IL4R: variants seen among roughly 807,000 people sequenced by gnomAD.
The protein encoded by IL4R is interleukin-4 receptor subunit alpha.
A neutral mutation model predicts 41.5 loss-of-function variants in IL4R; 17 were observed. The observed-to-expected ratio is 0.41, with a 90% CI of 0.28 to 0.61. The LOEUF (loss-of-function observed/expected upper bound fraction) is 0.61. Among genes scored for constraint, IL4R ranks in the 20% least tolerant of loss-of-function variants. The probability of loss-of-function intolerance (pLI) is 0.31; values close to 1 mark genes in which losing one functional copy is unlikely to be tolerated. For synonymous variants in IL4R, 402 were observed against 422.9 expected, an observed-to-expected ratio of 0.95 and a Z score of 0.61; for missense variants, 974 against 1,043.1, an observed-to-expected ratio of 0.93 and a Z score of 0.91.
chr16:27,322,036 T>C (rs1247585071), intron 1 of IL4R, among the ~76,000 whole-genome samples: 2 of 152,084 alleles, frequency 1.3e-5, no homozygotes, highest in Non-Finnish European at 2.9e-5. Context: ...GGGTATAAGG[T>C]TCTAGAAATG....
chr16:27,352,834 T>A, intron 7 of IL4R, 138 bp downstream of exon 7: 1 of 845,350 alleles, frequency 1.2e-6, no homozygotes, highest in Non-Finnish European at 1.9e-6. Context: ...TAGATACACC[T>A]GCCGTGGTGT....
intron 2 of IL4R, among the ~76,000 whole-genome samples, chr16:27,333,974 C>G (rs1318198182): frequency 6.6e-6 from 1 of 152,044 alleles, no homozygotes; most frequent in African/African-American, 2.4e-5. Flanking sequence ...GCTCCGCCTC[C>G]CGGGTTCAAG....
chr16:27,349,750 G>T (rs2085798099), intron 6 of IL4R, among the ~76,000 whole-genome samples: 1 of 151,842 alleles, frequency 6.6e-6, no homozygotes, highest in Non-Finnish European at 1.5e-5. Flanking sequence ...CTGAGTTTTT[G>T]TTGTTGTTGT....
chr16:27,361,610 C>CTTTTT, intron 10 of IL4R, among the ~76,000 whole-genome samples: 1 of 111,782 alleles, frequency 8.9e-6, no homozygotes, highest in Non-Finnish European at 1.8e-5. Flanking sequence ...GATCCCGCAT[C>CTTTTT]TTTTTTTTTT....
rs1388543425 is a variant in IL4R, at chr16:27,314,062, TCGCCCGGGCAC to T, written c.-152+43_-152+53del. ...GCGCGCGGATCGGGTTGCGAAGGTA[TCGCCCGGGCAC>T]GCCGGCTGAGGGCGTTCGGGAAGGG... On this transcript the variant is annotated intron_variant, in intron 1 of 10. Transcript: ENST00000395762. 6 of 984,046 alleles carry T rather than the reference TCGCCCGGGCAC, an allele frequency of 6.1e-6. No homozygotes were observed. The East Asian group carries it at 5.7e-4, about 94-fold the overall frequency. The allele number at this position is 984,046 out of a possible 1,614,324, so 61.0% of individuals were successfully genotyped here. A position where few individuals can be genotyped will look rare whatever the true frequency, so the allele number is the denominator to read the frequency against.
chr16:27,340,242 C>A lies in IL4R; in HGVS notation c.39C>A (p.Ser13Arg), dbSNP rs1266243839. 1 of 1,614,006 alleles carries A rather than the reference C, an allele frequency of 6.2e-7. No homozygotes were observed. Among genetic ancestry groups the A allele is most frequent in the African/African-American group, 1.3e-5 (1 of 75,060 alleles). The change falls in exon 3 of 11, where the codon AGC (serine) becomes AGA (arginine). Residue 13 changes from serine to arginine, a missense_variant. Physicochemically the swap from Ser to Arg is moderately radical, Grantham distance 110. Around this residue, in one of 3 missense-constraint regions of IL4R, gnomAD observed 284 missense variants for 313.4 expected, o/e 0.91. Coordinates refer to ENST00000395762, the MANE Select transcript of IL4R (RefSeq NM_000418.4). Reference sequence around the variant, plus strand: ...GCTCTGGGCTCCTGTTCCCTGTGAGCTGCCTGGTCCTGCTGCAGGTGGCAA... The same window carrying A: ...GCTCTGGGCTCCTGTTCCCTGTGAGATGCCTGGTCCTGCTGCAGGTGGCAA... ...WLCSGLLFPVSCLVLLQVASS... is the reference protein window; with the variant it reads ...WLCSGLLFPVRCLVLLQVASS...
chr16:27,328,729 T>C lies in IL4R; in HGVS notation c.-151-1337T>C, dbSNP rs1197190625. Among the ~76,000 whole-genome samples, 3 of 152,118 alleles carry C rather than the reference T, an allele frequency of 2.0e-5. No homozygotes were observed. The East Asian group carries it at 5.8e-4, about 29-fold the overall frequency. Reference sequence around the variant, plus strand: ...AATGCATTTATAGACAAATACATAATTTAAATTTGAGGTTACCTATTATAC... The same window carrying C: ...AATGCATTTATAGACAAATACATAACTTAAATTTGAGGTTACCTATTATAC... On this transcript the variant is annotated intron_variant, in intron 1 of 10. Coordinates refer to ENST00000395762, the MANE Select transcript of IL4R (RefSeq NM_000418.4).
chr16:27,359,889 A>G (rs2086220332), intron 9 of IL4R: 1 of 405,300 alleles, frequency 2.5e-6, no homozygotes, highest in African/African-American at 2.3e-5. Flanking sequence ...ATGCTTCTGC[A>G]GGCTGGCATT....
chr16:27,331,548 C>T (rs2085112085), intron 2 of IL4R, among the ~76,000 whole-genome samples: 1 of 152,126 alleles, frequency 6.6e-6, no homozygotes, highest in African/African-American at 2.4e-5. Flanking sequence ...TATAGGAGGG[C>T]AGAGCTTTCC....
chr16:27,327,715 C>T (rs1243108106), intron 1 of IL4R, among the ~76,000 whole-genome samples: 1 of 152,102 alleles, frequency 6.6e-6, no homozygotes, highest in Non-Finnish European at 1.5e-5. Flanking sequence ...GTTCTGTGAC[C>T]ACCAGCAAGT....
At chr16:27,318,080 A>C (rs981287298) in intron 1 of IL4R, among the ~76,000 whole-genome samples, 3 of 152,218 alleles carry the variant, frequency 2.0e-5, no homozygotes, top group Non-Finnish European at 4.4e-5. Context: ...GTTATTCTGA[A>C]ATCCACGATT....
At position 27,345,634 on chromosome 16, in the gene IL4R, G is replaced by A. The variant is rs1198416398; in HGVS notation, c.361+614G>A. On this transcript the variant is annotated intron_variant, in intron 5 of 10. Coordinates refer to ENST00000395762, the MANE Select transcript of IL4R (RefSeq NM_000418.4). This position sits in a 1 kb window ranked among gnomAD's most constrained non-coding sequence, Gnocchi z 4.5. The stretch of plus-strand genomic sequence containing the variant: ...AAAATACTCAGTAAATCATCATAAA[G>A]TACAGAGATGTGGCCAAAGGTGTGA... 2 of 174,650 alleles carry A rather than the reference G, an allele frequency of 1.1e-5. No individual in the cohort carries two copies. The highest frequency in any genetic ancestry group is 1.6e-4 in the East Asian group (1 of 6,426). 10.8% of individuals were successfully genotyped at this position (174,650 alleles called of 1,614,324 possible). A position where few individuals can be genotyped will look rare whatever the true frequency, so the allele number is the denominator to read the frequency against.
At position 27,340,274 on chromosome 16, in the gene IL4R, G is replaced by C; in HGVS notation, c.70+1G>C. On this transcript the variant is annotated splice_donor_variant, in intron 3 of 10. Coordinates refer to ENST00000395762, the MANE Select transcript of IL4R (RefSeq NM_000418.4). LOFTEE classifies it high-confidence loss of function. ...GTCCTGCTGCAGGTGGCAAGCTCTG[G>C]TAAGTCACCACTTCTCAATCATTCA... The C allele has an allele frequency of 6.2e-7, 1 of 1,612,720 alleles. No individual in the cohort carries two copies. Among genetic ancestry groups the C allele is most frequent in the Non-Finnish European group, 8.5e-7 (1 of 1,178,766 alleles).
intron 10 of IL4R, among the ~76,000 whole-genome samples, chr16:27,361,429 A>G (rs2086279833): frequency 6.6e-6 from 1 of 151,954 alleles, no homozygotes; most frequent in Non-Finnish European, 1.5e-5. Flanking sequence ...CCTGGGCGAC[A>G]GAGTGAGACT....
intron 9 of IL4R, 126 bp from the exon 10 acceptor site, chr16:27,360,640 G>GT (rs1435106814): frequency 4.5e-6 from 5 of 1,123,218 alleles, no homozygotes; most frequent in Non-Finnish European, 6.7e-6. Context: ...CTCAGAAAGC[G>GT]TAAGTGACCT....
chr16:27,322,796 C>T (rs1441069704), intron 1 of IL4R, among the ~76,000 whole-genome samples: 1 of 152,224 alleles, frequency 6.6e-6, no homozygotes, highest in Non-Finnish European at 1.5e-5. Context: ...TTATTGATGT[C>T]AGTACTCCTG....
Position 27,363,821 on chromosome 16 carries a change from G to A in IL4R, c.2469G>A (p.Arg823=). 3 of 1,601,628 alleles carry A rather than the reference G, an allele frequency of 1.9e-6. No individual in the cohort carries two copies. Among genetic ancestry groups the A allele is most frequent in the South Asian group, 1.1e-5 (1 of 90,928 alleles). ...NFVSVGPTYM[R]VS ...TCTCCGTGGGACCCACATACATGAG[G>A]GTCTCTTAGGTGCATGTCCTCTTGT... The change falls in exon 11 of 11, where the codon AGG becomes AGA. Residue 823 remains arginine, a synonymous_variant. Coordinates refer to ENST00000395762, the MANE Select transcript of IL4R (RefSeq NM_000418.4).
chr16:27,362,862 C>G lies in IL4R; in HGVS notation c.1510C>G (p.Leu504Val), dbSNP rs142226792. The G allele has an allele frequency of 6.2e-7, 1 of 1,614,194 alleles. No homozygotes were observed. ...NPAYRSFSNS[L>V]SQSPCPRELG... ...TGCTTACCGCAGCTTCAGCAACTCC[C>G]TGAGCCAGTCACCGTGTCCCAGAGA... Residue 504 changes from leucine (L) to valine (V), a missense_variant, in exon 11 of 11, where the codon CTG becomes GTG. Coordinates refer to ENST00000395762, the MANE Select transcript of IL4R (RefSeq NM_000418.4).
chr16:27,316,043 T>G (rs1484405792), intron 1 of IL4R, among the ~76,000 whole-genome samples: 1 of 152,048 alleles, frequency 6.6e-6, no homozygotes, highest in Non-Finnish European at 1.5e-5. Context: ...TTTCTAATGC[T>G]CCCAGTTCAA....
Sources: gnomAD v4.1 joint callset for allele counts (sites outside exome capture counted in the v4.1 genomes callset) on GRCh38, gnomAD v4.1.1 for gene constraint, gnomAD v4.1.1 regional missense constraint, Gnocchi (gnomAD v3.1) non-coding constraint, MANE v1.5 for transcripts, NCBI Gene and HGNC (gene_info 2026-07-23, HGNC 2026-07-21) for gene names.